Variants in BRINP1 observed in about 807,000 individuals in gnomAD.
BRINP1 encodes the protein BMP/retinoic acid-inducible neural-specific protein 1.
BRINP1 carries 17 observed loss-of-function variants against 72.9 expected under a neutral mutation model. The observed-to-expected ratio is 0.23, with a 90% CI of 0.16 to 0.35. The LOEUF is 0.35. BRINP1 is among the 10% of genes least tolerant of loss of function. BRINP1 has a pLI of 1.00. For synonymous variants in BRINP1, 418 were observed against 378.5 expected (o/e 1.10, Z -1.21); for missense variants, 850 against 1,001.6 (o/e 0.85, Z 2.04).
At chr9:119,366,370 C>T (rs957934721) in intron 1 of BRINP1, among the ~76,000 whole-genome samples, 12 of 152,198 alleles carry the variant, frequency 7.9e-5, no homozygotes, top group African/African-American at 2.9e-4. Context: ...TAGATACAGA[C>T]CAGACACTTT....
intron 3 of BRINP1, among the ~76,000 whole-genome samples, chr9:119,246,607 C>A (rs1339419131): frequency 6.6e-6 from 1 of 152,172 alleles, no homozygotes; most frequent in Non-Finnish European, 1.5e-5. Flanking sequence ...CTGTAGAGAA[C>A]CCTGACTAAT....
At chr9:119,272,091 CAAA>C (rs59092561) in intron 2 of BRINP1, among the ~76,000 whole-genome samples, 5,640 of 119,444 alleles carry the variant, frequency 0.047, 405 homozygotes, top group African/African-American at 0.16. Context: ...TTTTTTGAGA[CAAA>C]AAAAAAAAAA....
chr9:119,312,614 T>C (rs565422097), intron 2 of BRINP1, among the ~76,000 whole-genome samples: 1 of 152,332 alleles, frequency 6.6e-6, no homozygotes, highest in African/African-American at 2.4e-5. Context: ...ACAAAAGGTT[T>C]CTTTATTTTT....
At chr9:119,273,599 C>A (rs1830627426) in intron 2 of BRINP1, among the ~76,000 whole-genome samples, 1 of 152,100 alleles carries the variant, frequency 6.6e-6, no homozygotes, top group Non-Finnish European at 1.5e-5. Flanking sequence ...ACTGCAAAGC[C>A]CAGCACAATG....
chr9:119,265,596 C>T (rs1378137590), intron 2 of BRINP1, among the ~76,000 whole-genome samples: 4 of 152,100 alleles, frequency 2.6e-5, no homozygotes, highest in African/African-American at 9.7e-5. Flanking sequence ...GACTCCATCT[C>T]AATTACCAAA....
At chr9:119,297,120 C>T (rs532417790) in intron 2 of BRINP1, among the ~76,000 whole-genome samples, 11 of 152,202 alleles carry the variant, frequency 7.2e-5, no homozygotes, top group Admixed American at 3.3e-4. Context: ...TATGTCAAAA[C>T]ATCTAGTTGC....
intron 7 of BRINP1, among the ~76,000 whole-genome samples, chr9:119,174,970 G>T (rs1416567662): frequency 6.7e-6 from 1 of 150,242 alleles, no homozygotes; most frequent in African/African-American, 2.5e-5. Flanking sequence ...ACTGTTGTGG[G>T]GTGGGGGGAG....
chr9:119,248,201 G>A (rs1311343637), intron 3 of BRINP1, among the ~76,000 whole-genome samples: 1 of 152,202 alleles, frequency 6.6e-6, no homozygotes, highest in Non-Finnish European at 1.5e-5. Flanking sequence ...CCTAAATGCA[G>A]CCGGCGACTT....
chr9:119,329,147 G>A (rs1249219561), intron 1 of BRINP1, among the ~76,000 whole-genome samples: 1 of 152,160 alleles, frequency 6.6e-6, no homozygotes, highest in Non-Finnish European at 1.5e-5. Context: ...TAGTGGCTTT[G>A]AGTTCTTCCC....
At chr9:119,268,356 CTGTT>C (rs1352578582) in intron 2 of BRINP1, among the ~76,000 whole-genome samples, 1 of 152,152 alleles carries the variant, frequency 6.6e-6, no homozygotes, top group Non-Finnish European at 1.5e-5. Flanking sequence ...GGACTGGCCT[CTGTT>C]TATTTCTCCA....
chr9:119,191,716 G>T (rs948853818), intron 7 of BRINP1, among the ~76,000 whole-genome samples: 1 of 151,722 alleles, frequency 6.6e-6, no homozygotes, highest in Non-Finnish European at 1.5e-5. Context: ...TTAACAATCC[G>T]TATAAAAATG....
intron 7 of BRINP1, among the ~76,000 whole-genome samples, chr9:119,185,135 T>A (rs1829603090): frequency 6.6e-6 from 1 of 152,100 alleles, no homozygotes; most frequent in African/African-American, 2.4e-5. Context: ...CATTGGGGAT[T>A]ATATCATAAC....
chr9:119,233,148 G>A (rs1227834400), intron 5 of BRINP1, among the ~76,000 whole-genome samples: 1 of 151,902 alleles, frequency 6.6e-6, no homozygotes, highest in Non-Finnish European at 1.5e-5. Flanking sequence ...GCCTTCTGCA[G>A]AATCTGCCCT....
intron 2 of BRINP1, among the ~76,000 whole-genome samples, chr9:119,288,783 T>C (rs556131553): frequency 6.6e-6 from 1 of 152,070 alleles, no homozygotes; most frequent in East Asian, 1.9e-4. Flanking sequence ...GTTTGTTTGT[T>C]TTTTGTTTTG....
intron 2 of BRINP1, among the ~76,000 whole-genome samples, chr9:119,281,204 T>C (rs1190029862): frequency 1.3e-5 from 2 of 152,230 alleles, no homozygotes; most frequent in Non-Finnish European, 2.9e-5. Context: ...CTGCCTTTCA[T>C]GCCTGGCCTG....
At chr9:119,350,815 A>C (rs1179716368) in intron 1 of BRINP1, among the ~76,000 whole-genome samples, 1 of 152,142 alleles carries the variant, frequency 6.6e-6, no homozygotes, top group African/African-American at 2.4e-5. Context: ...GTGAAATCAA[A>C]TATATATAAA....
intron 3 of BRINP1, among the ~76,000 whole-genome samples, chr9:119,246,755 T>C (rs908305026): frequency 2.0e-5 from 3 of 152,158 alleles, no homozygotes; most frequent in African/African-American, 7.2e-5. Context: ...AAAAAACATG[T>C]TTTCCATAAG....
At chr9:119,355,667 T>C (rs1448176265) in intron 1 of BRINP1, among the ~76,000 whole-genome samples, 1 of 150,300 alleles carries the variant, frequency 6.7e-6, no homozygotes, top group African/African-American at 2.5e-5. Context: ...AGGCGGAGCT[T>C]GCAGTGAGCT....
intron 1 of BRINP1, among the ~76,000 whole-genome samples, chr9:119,354,685 A>AC (rs1025462545): frequency 4.0e-5 from 6 of 151,098 alleles, no homozygotes; most frequent in African/African-American, 1.5e-4. Flanking sequence ...CATAGCAAGA[A>AC]CCCCGTCTCT....
Sources: allele counts gnomAD v4.1 joint callset (sites outside exome capture counted in the v4.1 genomes callset), GRCh38; gene constraint gnomAD v4.1.1; transcripts MANE v1.5; gene names NCBI Gene and HGNC (gene_info 2026-07-23, HGNC 2026-07-21).